The following SPRED2 variants were observed in gnomAD, a reference collection of about 807,000 sequenced individuals.
SPRED2 encodes sprouty-related, EVH1 domain-containing protein 2.
Under a neutral mutation model 43.0 loss-of-function variants are expected in SPRED2, and 47 were observed. The observed-to-expected ratio is 1.09, with a 90% CI of 0.87 to 1.40. The LOEUF (loss-of-function observed/expected upper bound fraction) is 1.40, where lower values mean the gene tolerates loss of function less well. Ranked by LOEUF, SPRED2 falls within the 40% of genes most tolerant of loss-of-function variation. The pLI is 0.00. For synonymous variants in SPRED2, 225 were observed against 225.7 expected (o/e 1.00, Z 0.03); for missense variants, 561 against 586.4 (o/e 0.96, Z 0.45).
chr2:65,344,403 A>C lies in SPRED2; in HGVS notation c.204+316T>G, dbSNP rs1674278766. ...CACAGCTCAGTACAATGTGATTCAT[A>C]ATAATAAAAGAGTACACTTTTGTTT... On this transcript the variant is annotated intron_variant, in intron 2 of 5. Transcript: ENST00000356388. The C allele has an allele frequency of 7.1e-6, 3 of 424,978 alleles. No individual in the cohort carries two copies. In the Admixed American group the frequency reaches 1.0e-4, roughly 15 times the overall value. The allele number at this position is 424,978 out of a possible 1,614,324, so 26.3% of individuals were successfully genotyped here.
chr2:65,315,973 A>C (rs1673220923), intron 5 of SPRED2, among the ~76,000 whole-genome samples: 1 of 152,228 alleles, frequency 6.6e-6, no homozygotes, highest in African/African-American at 2.4e-5. Flanking sequence ...TGTGATTTTT[A>C]AATAGGACAT....
intron 1 of SPRED2, among the ~76,000 whole-genome samples, chr2:65,403,294 A>T (rs1373100032): frequency 6.6e-6 from 1 of 152,228 alleles, no homozygotes; most frequent in African/African-American, 2.4e-5. Context: ...TTTAAAAGAC[A>T]GGGTCTCACT....
chr2:65,323,322 T>C (rs1315866202), intron 4 of SPRED2, among the ~76,000 whole-genome samples: 2 of 152,010 alleles, frequency 1.3e-5, no homozygotes, highest in Non-Finnish European at 2.9e-5. Context: ...ATGGTAACTA[T>C]AAAAAAACCA....
At chr2:65,398,484 C>T (rs1675808241) in intron 1 of SPRED2, among the ~76,000 whole-genome samples, 1 of 151,832 alleles carries the variant, frequency 6.6e-6, no homozygotes, top group Non-Finnish European at 1.5e-5. Flanking sequence ...TCTATACATC[C>T]AACAGAGGAC....
intron 1 of SPRED2, among the ~76,000 whole-genome samples, chr2:65,377,060 C>T (rs1394094720): frequency 6.6e-6 from 1 of 152,178 alleles, no homozygotes; most frequent in Non-Finnish European, 1.5e-5. Flanking sequence ...CCTTTTATAT[C>T]TGCACAATAT....
At position 65,314,128 on chromosome 2, in the gene SPRED2, G is replaced by A. The variant is rs768532972; in HGVS notation, c.630C>T (p.Asp210=). ...GGTTGATGCGCACGATCTCCTCGTC[G>A]TCGTCCGGGAAGCTCACCTGGCGGT... ...RPYRQVSFPD[D]DEEIVRINPR... Residue 210 remains aspartate (D), a synonymous_variant, in exon 6 of 6, where the codon GAC becomes GAT. Transcript: ENST00000356388. The A allele has an allele frequency of 7.5e-6, 12 of 1,604,722 alleles. No homozygotes were observed. The Admixed American group carries it at 1.7e-4, about 22-fold the overall frequency.
chr2:65,399,324 T>C (rs1420475577), intron 1 of SPRED2, among the ~76,000 whole-genome samples: 4 of 148,274 alleles, frequency 2.7e-5, no homozygotes, highest in Non-Finnish European at 4.5e-5. Flanking sequence ...TACTCAGTCA[T>C]AAAAACGAAC....
At position 65,316,718 on chromosome 2, in the gene SPRED2, C is replaced by T; in HGVS notation, c.588+16G>A. The T allele has an allele frequency of 6.2e-7, 1 of 1,601,740 alleles. No individual in the cohort carries two copies. Among genetic ancestry groups the T allele is most frequent in the East Asian group, 2.2e-5 (1 of 44,682 alleles). On this transcript the variant is annotated intron_variant, in intron 5 of 5. Coordinates refer to ENST00000356388, the MANE Select transcript of SPRED2 (RefSeq NM_181784.3). ...CACCACCCTGATGCCCTCAGAGGAA[C>T]AGGGCTGCTGCTCACCTGATCGAGG...
At chr2:65,351,200 T>C (rs1674501617) in intron 1 of SPRED2, among the ~76,000 whole-genome samples, 1 of 152,058 alleles carries the variant, frequency 6.6e-6, no homozygotes, top group African/African-American at 2.4e-5. Flanking sequence ...AGGAGGAAAT[T>C]TGACATGGAC....
chr2:65,366,667 C>A, intron 1 of SPRED2: 1 of 1,542,582 alleles, frequency 6.5e-7, no homozygotes, highest in Non-Finnish European at 8.7e-7. Flanking sequence ...ATAAAGCTTC[C>A]GATAAAAATG....
intron 2 of SPRED2, among the ~76,000 whole-genome samples, chr2:65,343,259 A>C (rs1674244176): frequency 6.6e-6 from 1 of 152,224 alleles, no homozygotes; most frequent in Non-Finnish European, 1.5e-5. Context: ...TATTATAAAC[A>C]AGAATGTTTT....
intron 1 of SPRED2, among the ~76,000 whole-genome samples, chr2:65,387,169 C>A (rs190809634): frequency 9.4e-4 from 143 of 152,282 alleles, no homozygotes; most frequent in Middle Eastern, 3.4e-3. Flanking sequence ...GTGGGAGGTG[C>A]ACAGTGGGTG....
At chr2:65,334,914 T>C in intron 2 of SPRED2, 141 bp from the exon 3 acceptor site, 2 of 801,420 alleles carry the variant, frequency 2.5e-6, no homozygotes, top group Non-Finnish European at 4.0e-6. Flanking sequence ...TGTGAGTCTC[T>C]CCAATGGGAA....
Position 65,401,972 on chromosome 2 carries a change from CA to C in SPRED2, c.26+29989del, listed in dbSNP as rs1558685782. Reference sequence around the variant, plus strand: ...ACACACACACACACACACACACACACACCTGTTAATTTGTCTTAGGTAATTC... The same window carrying C: ...ACACACACACACACACACACACACACCCTGTTAATTTGTCTTAGGTAATTC... On this transcript the variant is annotated intron_variant, in intron 1 of 5. Coordinates refer to ENST00000356388, the MANE Select transcript of SPRED2 (RefSeq NM_181784.3). Among the ~76,000 whole-genome samples, 78 of 151,058 alleles carry C rather than the reference CA, an allele frequency of 5.2e-4. 1 individual carries two copies. The highest frequency in any genetic ancestry group is 1.2e-4 in the Non-Finnish European group (8 of 67,776).
At chr2:65,367,744 G>A (rs533027300) in intron 1 of SPRED2, among the ~76,000 whole-genome samples, 2 of 152,274 alleles carry the variant, frequency 1.3e-5, no homozygotes, top group Non-Finnish European at 2.9e-5. Flanking sequence ...TGGCTTCATG[G>A]CTCAGTGTTA....
At chr2:65,375,869 C>G (rs908566399) in intron 1 of SPRED2, among the ~76,000 whole-genome samples, 4 of 152,152 alleles carry the variant, frequency 2.6e-5, no homozygotes, top group African/African-American at 9.7e-5. Flanking sequence ...CCATGAGCCC[C>G]CGATGCTAAG....
intron 1 of SPRED2, among the ~76,000 whole-genome samples, chr2:65,391,738 G>T (rs1675640782): frequency 6.6e-6 from 1 of 152,090 alleles, no homozygotes; most frequent in Non-Finnish European, 1.5e-5. Context: ...AAGTATTACA[G>T]GTTACCAAAC....
intron 4 of SPRED2, among the ~76,000 whole-genome samples, chr2:65,321,482 G>A (rs545400160): frequency 1.4e-5 from 2 of 141,858 alleles, no homozygotes; most frequent in East Asian, 4.1e-4. Context: ...GACCAGCCTG[G>A]GCAACAAATC....
chr2:65,335,923 C>G (rs896012795), intron 2 of SPRED2, among the ~76,000 whole-genome samples: 1 of 151,558 alleles, frequency 6.6e-6, no homozygotes, highest in Non-Finnish European at 1.5e-5. Flanking sequence ...CTTGTTCTGG[C>G]AAAGATCTGC....
Sources: gnomAD v4.1 joint callset for allele counts (sites outside exome capture counted in the v4.1 genomes callset) on GRCh38, gnomAD v4.1.1 for gene constraint, MANE v1.5 for transcripts, NCBI Gene and HGNC (gene_info 2026-07-23, HGNC 2026-07-21) for gene names.